SLC24A3: variants seen among roughly 807,000 people sequenced by gnomAD.
SLC24A3 encodes the protein sodium/potassium/calcium exchanger 3.
In SLC24A3, 28 loss-of-function variants were observed where a neutral mutation model predicts 75.8. The observed-to-expected ratio is 0.37, with a 90% CI of 0.27 to 0.51. The LOEUF (loss-of-function observed/expected upper bound fraction) is 0.51. SLC24A3 is among the 20% of genes least tolerant of loss of function. The pLI is 0.94. For synonymous variants in SLC24A3, 372 were observed against 334.1 expected, an observed-to-expected ratio of 1.11 and a Z score of -1.24; for missense variants, 663 against 847.8, an observed-to-expected ratio of 0.78 and a Z score of 2.71.
At chr20:19,583,921 G>C (rs1014856879) in intron 4 of SLC24A3, among the ~76,000 whole-genome samples, 11 of 152,160 alleles carry the variant, frequency 7.2e-5, no homozygotes, top group Admixed American at 5.2e-4. Flanking sequence ...TCCTCAGTTA[G>C]GGCTTCTCCT....
chr20:19,688,110 G>C (rs1348347449), intron 12 of SLC24A3, among the ~76,000 whole-genome samples: 1 of 152,148 alleles, frequency 6.6e-6, no homozygotes, highest in African/African-American at 2.4e-5. Context: ...AGAATTCCAA[G>C]TTCTTCTCTA....
At chr20:19,456,111 C>T (rs1312162717) in intron 2 of SLC24A3, among the ~76,000 whole-genome samples, 1 of 152,078 alleles carries the variant, frequency 6.6e-6, no homozygotes, top group Non-Finnish European at 1.5e-5. Flanking sequence ...GTATCTGTAA[C>T]ACGTTTCTTA....
At chr20:19,338,854 C>T (rs1251545545) in intron 2 of SLC24A3, among the ~76,000 whole-genome samples, 3 of 152,188 alleles carry the variant, frequency 2.0e-5, no homozygotes, top group Admixed American at 2.0e-4. Flanking sequence ...AGGTTATTAG[C>T]ACGATTATTT....
intron 2 of SLC24A3, among the ~76,000 whole-genome samples, chr20:19,393,000 T>A (rs1298937412): frequency 6.6e-6 from 1 of 152,208 alleles, no homozygotes; most frequent in Non-Finnish European, 1.5e-5. Flanking sequence ...CTATCTCTTA[T>A]CTCTGATCAC....
chr20:19,559,267 G>A (rs6081654), intron 3 of SLC24A3, among the ~76,000 whole-genome samples: 12,440 of 152,184 alleles, frequency 0.082, 579 homozygotes, highest in Middle Eastern at 0.12. Flanking sequence ...CTTTTTGGGT[G>A]AAGTGTTTGC....
chr20:19,469,936 A>G, intron 2 of SLC24A3, among the ~76,000 whole-genome samples: 1 of 152,172 alleles, frequency 6.6e-6, no homozygotes, highest in East Asian at 1.9e-4. Flanking sequence ...CCATGTTCAT[A>G]CTAAGGTAGG....
At chr20:19,475,196 G>A (rs548829961) in intron 2 of SLC24A3, among the ~76,000 whole-genome samples, 19 of 152,176 alleles carry the variant, frequency 1.2e-4, no homozygotes, top group South Asian at 4.2e-4. Flanking sequence ...AAAATTAGCC[G>A]GGCGTGGTGG....
intron 8 of SLC24A3, among the ~76,000 whole-genome samples, chr20:19,671,057 C>T (rs2032460439): frequency 6.6e-6 from 1 of 152,090 alleles, no homozygotes; most frequent in South Asian, 2.1e-4. Flanking sequence ...TCACAGACTG[C>T]TTAGAGGTTT....
intron 2 of SLC24A3, among the ~76,000 whole-genome samples, chr20:19,335,634 G>T (rs1475183043): frequency 6.6e-6 from 1 of 152,184 alleles, no homozygotes; most frequent in African/African-American, 2.4e-5. Context: ...AGGCAATTTT[G>T]CCTAGTCCTT....
At chr20:19,222,164 A>G (rs1295091187) in intron 1 of SLC24A3, among the ~76,000 whole-genome samples, 1 of 152,104 alleles carries the variant, frequency 6.6e-6, no homozygotes, top group Non-Finnish European at 1.5e-5. Context: ...AGCTATTTTT[A>G]GTAGCATCCT....
chr20:19,465,331 C>T (rs1987746170), intron 2 of SLC24A3, among the ~76,000 whole-genome samples: 1 of 151,860 alleles, frequency 6.6e-6, no homozygotes, highest in African/African-American at 2.4e-5. Context: ...GTGCCCAGTC[C>T]TCTCAGAGAA....
chr20:19,286,296 A>C (rs1336366880), intron 2 of SLC24A3, among the ~76,000 whole-genome samples: 1 of 152,120 alleles, frequency 6.6e-6, no homozygotes, highest in Non-Finnish European at 1.5e-5. Flanking sequence ...CGGGAAGTCT[A>C]TATGAGAGAA....
At chr20:19,541,022 T>A (rs1470762680) in intron 3 of SLC24A3, among the ~76,000 whole-genome samples, 3 of 152,218 alleles carry the variant, frequency 2.0e-5, no homozygotes, top group African/African-American at 7.2e-5. Flanking sequence ...GGTGGGAATG[T>A]CAGATGACGA....
chr20:19,524,788 T>A (rs1294193997), intron 3 of SLC24A3, among the ~76,000 whole-genome samples: 3 of 152,244 alleles, frequency 2.0e-5, no homozygotes, highest in African/African-American at 7.2e-5. Context: ...ATCTACAATT[T>A]ACAAGAGTAT....
chr20:19,691,078 T>C (rs2032739567), intron 12 of SLC24A3, among the ~76,000 whole-genome samples: 1 of 152,252 alleles, frequency 6.6e-6, no homozygotes, highest in African/African-American at 2.4e-5. Context: ...AGAAGACCCC[T>C]GTTCTCATAG....
At chr20:19,689,507 T>A (rs937292212) in intron 12 of SLC24A3, among the ~76,000 whole-genome samples, 1 of 152,208 alleles carries the variant, frequency 6.6e-6, no homozygotes, top group Non-Finnish European at 1.5e-5. Context: ...CAGGGAAGTT[T>A]TTTCTCTTAA....
At chr20:19,419,433 C>T (rs577971352) in intron 2 of SLC24A3, among the ~76,000 whole-genome samples, 30 of 151,930 alleles carry the variant, frequency 2.0e-4, no homozygotes, top group African/African-American at 6.3e-4. Context: ...TCAGTTTACA[C>T]TGAATGCAAG....
intron 15 of SLC24A3, among the ~76,000 whole-genome samples, chr20:19,716,027 G>T (rs1884768): frequency 0.69 from 104,209 of 152,112 alleles, 36,168 homozygotes; most frequent in East Asian, 0.94. Flanking sequence ...CTCTAAATCA[G>T]TGGTTCTTAA....
intron 6 of SLC24A3, among the ~76,000 whole-genome samples, chr20:19,651,469 A>G (rs1449191602): frequency 6.7e-6 from 1 of 149,186 alleles, no homozygotes; most frequent in Non-Finnish European, 1.5e-5. Context: ...TCTTTGTTCC[A>G]GTGTTCTGAA....
Sources: allele counts gnomAD v4.1 joint callset (sites outside exome capture counted in the v4.1 genomes callset), GRCh38; gene constraint gnomAD v4.1.1; transcripts MANE v1.5; gene names NCBI Gene and HGNC (gene_info 2026-07-23, HGNC 2026-07-21).